Variants in BLM observed in about 807,000 individuals in gnomAD.
BLM encodes the protein recQ-like DNA helicase BLM.
In BLM, 95 loss-of-function variants were observed where a neutral mutation model predicts 135.3. The observed-to-expected ratio is 0.70, with a 90% CI of 0.59 to 0.83. The LOEUF is 0.83. Among genes scored for constraint, BLM ranks in the 40% least tolerant of loss-of-function variants. The pLI is 0.00. For synonymous variants in BLM, 520 were observed against 589.2 expected, an observed-to-expected ratio of 0.88 and a Z score of 1.70; for missense variants, 1,518 against 1,663.9, an observed-to-expected ratio of 0.91 and a Z score of 1.53.
In BLM at chr15:90,763,174, G is replaced by C. The variant is rs902634692; in HGVS notation, c.2074+17G>C. 2 of 1,612,610 alleles carry C rather than the reference G, an allele frequency of 1.2e-6. No individual in the cohort carries two copies. Among genetic ancestry groups the C allele is most frequent in the East Asian group, 2.2e-5 (1 of 44,860 alleles). On this transcript the variant is annotated intron_variant, in intron 8 of 21. Coordinates refer to ENST00000355112, the MANE Select transcript of BLM (RefSeq NM_000057.4). Reference sequence around the variant, plus strand: ...TGCCGACTGGTATGTATTTTTAGAAGTGAATTGGCAGGAATCCATTGGCAG... The same window carrying C: ...TGCCGACTGGTATGTATTTTTAGAACTGAATTGGCAGGAATCCATTGGCAG...
At chr15:90,731,218 T>C (rs1895061093) in intron 1 of BLM, among the ~76,000 whole-genome samples, 1 of 152,180 alleles carries the variant, frequency 6.6e-6, no homozygotes, top group South Asian at 2.1e-4. Flanking sequence ...GGATTATAGG[T>C]GTGAGTCATC....
intron 14 of BLM, among the ~76,000 whole-genome samples, chr15:90,789,807 G>C (rs8042490): frequency 0.015 from 2,270 of 152,132 alleles, 55 homozygotes; most frequent in African/African-American, 0.05. Flanking sequence ...AAAACTTGCA[G>C]TTTTATTTGT....
rs781008303 is a variant in BLM at position 90,766,923 on chromosome 15, A to G, written c.2207A>G (p.Tyr736Cys). 3.1e-6 allele frequency: 5 copies of G among 1,591,260 alleles called. No homozygotes were observed. In the South Asian group the frequency reaches 4.4e-5, roughly 14 times the overall value. Residue 736 changes from tyrosine to cysteine, a missense_variant, in exon 10 of 22, where the codon TAT becomes TGT. Coordinates refer to ENST00000355112, the MANE Select transcript of BLM (RefSeq NM_000057.4). ...KLTSLDIPAT[Y>C]LTGDKTDSEA... ...TTTTATACTTAGATTCCAGCTACAT[A>G]TCTGACAGGTGATAAGACTGACTCA...
chr15:90,802,849 A>T (rs542499422), intron 17 of BLM, among the ~76,000 whole-genome samples: 17 of 152,136 alleles, frequency 1.1e-4, no homozygotes, highest in Non-Finnish European at 2.1e-4. Flanking sequence ...ATGGATAAAT[A>T]CCTGAGGGAA....
rs1237910576 is a variant in BLM, at chr15:90,749,405, A to G, written c.137A>G (p.Asn46Ser). Residue 46 changes from asparagine (N) to serine (S), a missense_variant, in exon 3 of 22, where the codon AAT becomes AGT. By Grantham distance (46) the Asn-to-Ser change is conservative. Coordinates refer to ENST00000355112, the MANE Select transcript of BLM (RefSeq NM_000057.4). The part of the protein sequence containing the change: ...TFKKKTSSDN[N>S]VSVTNVSVAK... ...AAAAAGAAAACATCTTCAGATAACA[A>G]TGTATCTGTAACTAATGTGTCAGTA... is the stretch of plus-strand genomic sequence containing the variant. The G allele has an allele frequency of 1.0e-5, 16 of 1,607,600 alleles. No homozygotes were observed. In the East Asian group the frequency reaches 2.9e-4, roughly 29 times the overall value.
chr15:90,810,072 G>A (rs186365890), intron 20 of BLM, among the ~76,000 whole-genome samples: 11 of 116,674 alleles, frequency 9.4e-5, no homozygotes, highest in Non-Finnish European at 1.6e-4. Context: ...TTACCTAGTC[G>A]CTTTTTTTTT....
chr15:90,790,552 G>A, intron 14 of BLM, 97 bp from the exon 15 acceptor site: 1 of 1,231,004 alleles, frequency 8.1e-7, no homozygotes, highest in Non-Finnish European at 1.2e-6. Context: ...GCATTTTAAA[G>A]TAAAACAAAT....
chr15:90,798,038 T>A (rs1897071656), intron 16 of BLM, 152 bp from the exon 17 acceptor site: 12 of 603,926 alleles, frequency 2.0e-5, no homozygotes, highest in Non-Finnish European at 2.5e-5. Flanking sequence ...AGAACTTAGA[T>A]AAGAATGAAC....
chr15:90,763,562 C>CTATGG (rs1884538517), intron 8 of BLM, among the ~76,000 whole-genome samples: 1 of 152,296 alleles, frequency 6.6e-6, no homozygotes, highest in African/African-American at 2.4e-5. Context: ...GGTCCATCAG[C>CTATGG]TATGGACCAA....
At chr15:90,770,173 C>A (rs1176376092) in intron 12 of BLM, among the ~76,000 whole-genome samples, 1 of 144,586 alleles carries the variant, frequency 6.9e-6, no homozygotes, top group Admixed American at 6.8e-5. Context: ...GAAATCCCCC[C>A]CCCCTTTTTT....
intron 3 of BLM, among the ~76,000 whole-genome samples, chr15:90,751,348 G>T (rs755889321): frequency 1.2e-4 from 18 of 152,140 alleles, no homozygotes; most frequent in African/African-American, 4.1e-4. Context: ...TTTGGGTTGT[G>T]TTTTCCCACA....
intron 12 of BLM, among the ~76,000 whole-genome samples, chr15:90,773,511 CTTTTTT>C (rs55678339): frequency 9.9e-6 from 1 of 100,846 alleles, no homozygotes; most frequent in East Asian, 2.7e-4. Flanking sequence ...CTTCAATGGC[CTTTTTT>C]TTTTTTTTTT....
rs548778712 is a variant in BLM, at chr15:90,719,284, C to T, written c.-5+1844C>T. ...GGGATTACAGGCGAGCCACCGCGCC[C>T]GGCCATGAGTGAGATTTTAAATATA... On this transcript the variant is annotated intron_variant, in intron 1 of 21. Coordinates refer to ENST00000355112, the MANE Select transcript of BLM (RefSeq NM_000057.4). Among the ~76,000 whole-genome samples, 4 of 152,240 alleles carry T rather than the reference C, an allele frequency of 2.6e-5. No homozygotes were observed. In the South Asian group the frequency reaches 6.2e-4, roughly 24 times the overall value.
At chr15:90,782,076 C>T (rs1034291601) in intron 12 of BLM, among the ~76,000 whole-genome samples, 2 of 152,086 alleles carry the variant, frequency 1.3e-5, no homozygotes, top group Non-Finnish European at 2.9e-5. Context: ...AAGCTGCTAG[C>T]GACAATATTC....
chr15:90,782,695 G>A (rs931286491), intron 12 of BLM, 127 bp from the exon 13 acceptor site: 6 of 703,752 alleles, frequency 8.5e-6, no homozygotes, highest in Non-Finnish European at 1.5e-5. Flanking sequence ...TTATCTCCCG[G>A]AGGCTCCAAC....
intron 1 of BLM, among the ~76,000 whole-genome samples, chr15:90,728,756 TTTTG>T (rs1894984623): frequency 6.6e-6 from 1 of 152,230 alleles, no homozygotes; most frequent in African/African-American, 2.4e-5. Context: ...ACATTTTATT[TTTTG>T]TTTATTGATG....
intron 5 of BLM, among the ~76,000 whole-genome samples, chr15:90,756,394 C>T (rs554406458): frequency 1.3e-5 from 2 of 152,294 alleles, no homozygotes; most frequent in Admixed American, 6.5e-5. Context: ...TGAGCCACCG[C>T]GCCTGGCCCA....
At chr15:90,747,275 C>G in intron 1 of BLM, 114 bp from the exon 2 acceptor site, 7 of 469,996 alleles carry the variant, frequency 1.5e-5, no homozygotes, top group African/African-American at 2.2e-5. Context: ...TCCTATTACT[C>G]TGGGCACAGT....
At chr15:90,775,286 G>C (rs1896443521) in intron 12 of BLM, among the ~76,000 whole-genome samples, 1 of 152,066 alleles carries the variant, frequency 6.6e-6, no homozygotes, top group South Asian at 2.1e-4. Flanking sequence ...AATGGAGGAA[G>C]GAAGATGAGT....
Sources: allele counts gnomAD v4.1 joint callset (sites outside exome capture counted in the v4.1 genomes callset), GRCh38; gene constraint gnomAD v4.1.1; transcripts MANE v1.5; gene names NCBI Gene and HGNC (gene_info 2026-07-23, HGNC 2026-07-21).